The following SLC13A4 variants were observed in gnomAD, a reference collection of about 807,000 sequenced individuals.
SLC13A4 encodes Na(+)/sulfate cotransporter SUT-1.
SLC13A4 carries 28 observed loss-of-function variants against 72.7 expected under a neutral mutation model. That is an observed-to-expected ratio of 0.39 (90% CI 0.29 to 0.53). The LOEUF (loss-of-function observed/expected upper bound fraction) is 0.53. SLC13A4 is among the 20% of genes least tolerant of loss of function. The pLI is 0.78. For synonymous variants in SLC13A4, 312 were observed against 325.5 expected, an observed-to-expected ratio of 0.96 and a Z score of 0.45; for missense variants, 653 against 788.0, an observed-to-expected ratio of 0.83 and a Z score of 2.05.
rs144663629 is a variant in SLC13A4, at chr7:135,727,638, C to G, written c.-142G>C. 1 of 1,067,624 alleles carries G rather than the reference C, an allele frequency of 9.4e-7. No homozygotes were observed. The highest frequency in any genetic ancestry group is 1.3e-6 in the Non-Finnish European group (1 of 765,638). 66.1% of individuals were successfully genotyped at this position (1,067,624 alleles called of 1,614,324 possible). A position where few individuals can be genotyped will look rare whatever the true frequency, so the allele number is the denominator to read the frequency against. On this transcript the variant is annotated 5_prime_UTR_variant, in exon 1 of 16. Coordinates refer to ENST00000682651, the MANE Select transcript of SLC13A4 (RefSeq NM_001318192.2). Reference sequence around the variant, plus strand: ...GTCCTCCTTCGTCTTGGGGGCAGAACGGGAGGGCAGTTATACCCTCGCTGT... The same window carrying G: ...GTCCTCCTTCGTCTTGGGGGCAGAAGGGGAGGGCAGTTATACCCTCGCTGT...
intron 1 of SLC13A4, among the ~76,000 whole-genome samples, chr7:135,725,010 G>A (rs1429768913): frequency 2.6e-5 from 4 of 152,178 alleles, no homozygotes; most frequent in Admixed American, 6.5e-5. Flanking sequence ...GTCAGGTCTC[G>A]CTCATCTTCT....
Position 135,699,552 on chromosome 7 carries a change from A to T in SLC13A4, c.715-4T>A. On this transcript the variant is annotated splice_polypyrimidine_tract_variant and splice_region_variant and intron_variant, in intron 7 of 15. Coordinates refer to ENST00000682651, the MANE Select transcript of SLC13A4 (RefSeq NM_001318192.2). ...GGGTCAGGACTTGTGGCTTTTCCTA[A>T]CGAAGGAAAATCAGCAAATCTGTCC... 1.3e-6 allele frequency: 2 copies of T among 1,590,232 alleles called. No individual in the cohort carries two copies. The highest frequency in any genetic ancestry group is 1.7e-6 in the Non-Finnish European group (2 of 1,167,014).
At chr7:135,719,691 G>T (rs1796500185) in intron 2 of SLC13A4, among the ~76,000 whole-genome samples, 1 of 152,096 alleles carries the variant, frequency 6.6e-6, no homozygotes, top group Non-Finnish European at 1.5e-5. Context: ...TATTGGGGTT[G>T]TACCCATCTC....
chr7:135,717,061 G>A (rs886816192), intron 2 of SLC13A4, among the ~76,000 whole-genome samples: 4 of 152,108 alleles, frequency 2.6e-5, no homozygotes, highest in Non-Finnish European at 2.9e-5. Context: ...CATTAGCACC[G>A]TACATTAGCC....
intron 2 of SLC13A4, among the ~76,000 whole-genome samples, chr7:135,718,093 G>GCC (rs150417267): frequency 0.31 from 45,339 of 144,584 alleles, 7,331 homozygotes; most frequent in African/African-American, 0.42. Context: ...ACACACGCGC[G>GCC]CGCGCGCACG....
intron 1 of SLC13A4, among the ~76,000 whole-genome samples, chr7:135,723,506 A>T (rs1217448145): frequency 6.6e-6 from 1 of 152,186 alleles, no homozygotes; most frequent in Non-Finnish European, 1.5e-5. Context: ...TCAGAAGAGC[A>T]TTTATAGAAA....
intron 1 of SLC13A4, among the ~76,000 whole-genome samples, chr7:135,723,085 A>G (rs1042734176): frequency 6.6e-6 from 1 of 152,196 alleles, no homozygotes; most frequent in East Asian, 1.9e-4. Context: ...AACCATCTCT[A>G]GACATTGCCA....
chr7:135,722,592 G>GAAAA (rs11376305), intron 1 of SLC13A4, among the ~76,000 whole-genome samples: 1 of 146,454 alleles, frequency 6.8e-6, no homozygotes. Flanking sequence ...TGTGAGATTT[G>GAAAA]AAAAAAAAAA....
At chr7:135,711,875 A>G (rs1357699157) in intron 2 of SLC13A4, among the ~76,000 whole-genome samples, 1 of 150,404 alleles carries the variant, frequency 6.6e-6, no homozygotes, top group East Asian at 2.0e-4. Flanking sequence ...CTCCTGCCTC[A>G]GCCTCCCAAG....
At chr7:135,699,141 A>G (rs563794894) in intron 8 of SLC13A4, among the ~76,000 whole-genome samples, 1 of 151,458 alleles carries the variant, frequency 6.6e-6, no homozygotes, top group East Asian at 2.0e-4. Flanking sequence ...GGGTCTCACT[A>G]TGTTGCCCAG....
chr7:135,707,555 G>T, intron 3 of SLC13A4: 1 of 152,418 alleles, frequency 6.6e-6, no homozygotes. Flanking sequence ...GAAGGTACAG[G>T]CAGGGGAATC....
At chr7:135,722,931 G>A (rs1048943201) in intron 1 of SLC13A4, among the ~76,000 whole-genome samples, 1 of 152,166 alleles carries the variant, frequency 6.6e-6, no homozygotes, top group African/African-American at 2.4e-5. Flanking sequence ...CTAACTCAGT[G>A]TTTGTCAACC....
rs145113242 is a variant in SLC13A4, at chr7:135,699,364, T to C, written c.899A>G (p.Asn300Ser). The C allele has an allele frequency of 1.0e-4, 167 of 1,608,516 alleles. No homozygotes were observed. Among genetic ancestry groups the C allele is most frequent in the Non-Finnish European group, 1.3e-4 (154 of 1,177,182 alleles). Reference protein sequence around the residue: ...TSLIFLEHFNNQYPAAEVVNF... With the variant: ...TSLIFLEHFNSQYPAAEVVNF... ...TTTGTTGACCAAGTGAATCACTTAC[T>C]TGTTGAAGTGTTCCAGGAAGATGAG... The change falls in exon 8 of 16, where the codon AAC becomes AGC. Residue 300 changes from asparagine (N) to serine (S), a missense_variant and splice_region_variant. Coordinates refer to ENST00000682651, the MANE Select transcript of SLC13A4 (RefSeq NM_001318192.2).
At chr7:135,687,714 G>A (rs1381184211) in intron 13 of SLC13A4, among the ~76,000 whole-genome samples, 1 of 152,222 alleles carries the variant, frequency 6.6e-6, no homozygotes, top group Non-Finnish European at 1.5e-5. Flanking sequence ...AGAGGCAGGG[G>A]AGGAACAGCA....
chr7:135,681,300 T>C lies in SLC13A4; in HGVS notation c.*263A>G. 2.8e-6 allele frequency: 1 copy of C among 363,012 alleles called. No homozygotes were observed. 22.5% of individuals were successfully genotyped at this position (363,012 alleles called of 1,614,324 possible). A position where few individuals can be genotyped will look rare whatever the true frequency, so the allele number is the denominator to read the frequency against. ...TTCTTTTTCTTTTTCTGTGAGCCTA[T>C]GGCTTGTATTGAAACTTTAGGTTTT... On this transcript the variant is annotated 3_prime_UTR_variant, in exon 16 of 16. Transcript: ENST00000682651.
intron 15 of SLC13A4, chr7:135,683,484 C>CTT: frequency 1.0e-6 from 1 of 978,484 alleles, no homozygotes; most frequent in Non-Finnish European, 1.2e-6. Flanking sequence ...TCCTCTCCCC[C>CTT]CCCGCTCAGC....
chr7:135,695,534 A>G (rs564903995), intron 8 of SLC13A4, 47 bp from the exon 9 acceptor site: 14 of 1,590,534 alleles, frequency 8.8e-6, no homozygotes, highest in Admixed American at 1.8e-5. Flanking sequence ...GAGGGTTTCC[A>G]TATGGTATTT....
In SLC13A4 at chr7:135,708,184, C is replaced by A. The variant is rs866554621; in HGVS notation, c.295G>T (p.Val99Leu). Residue 99 changes from valine (V) to leucine (L), a missense_variant, in exon 3 of 16, where the codon GTG (valine) becomes TTG (leucine). Physicochemically the swap from Val to Leu is conservative, Grantham distance 32 (BLOSUM62 1). Transcript: ENST00000682651. The part of the protein sequence containing the change: ...LVGVICVAAA[V>L]EKWNLHKRIA... ...CGCTTATGCAGGTTCCACTTCTCCA[C>A]GGCAGCCGCCACGCAGATGACCCCC... 6.2e-7 allele frequency: 1 copy of A among 1,614,210 alleles called. No homozygotes were observed. The highest frequency in any genetic ancestry group is 8.5e-7 in the Non-Finnish European group (1 of 1,180,032).
At chr7:135,702,665 C>G in intron 6 of SLC13A4, 180 bp downstream of exon 6, 1 of 613,258 alleles carries the variant, frequency 1.6e-6, no homozygotes, top group South Asian at 1.9e-5. Context: ...CATGAGCCAC[C>G]ACGCCCAGCC....
Sources: allele counts gnomAD v4.1 joint callset (sites outside exome capture counted in the v4.1 genomes callset), GRCh38; gene constraint gnomAD v4.1.1; transcripts MANE v1.5; gene names NCBI Gene and HGNC (gene_info 2026-07-23, HGNC 2026-07-21).